Variants in EXOC6B observed in about 807,000 individuals in gnomAD.
EXOC6B encodes exocyst complex component 6B.
In EXOC6B, 54 loss-of-function variants were observed where a neutral mutation model predicts 113.5. That is an observed-to-expected ratio of 0.48 (90% CI 0.38 to 0.60). The LOEUF (loss-of-function observed/expected upper bound fraction) is 0.60, where lower values mean the gene tolerates loss of function less well. Among genes scored for constraint, EXOC6B ranks in the 20% least tolerant of loss-of-function variants. The pLI is 0.00. For missense variants in EXOC6B, 797 were observed against 977.5 expected (o/e 0.82, Z 2.46); for synonymous variants, 357 against 339.0 (o/e 1.05, Z -0.58).
rs147227454 is a variant in EXOC6B at position 72,280,928 on chromosome 2, T to C, written c.2196+54019A>G. On this transcript the variant is annotated intron_variant, in intron 20 of 21. Coordinates refer to ENST00000272427, the MANE Select transcript of EXOC6B (RefSeq NM_015189.3). Reference sequence around the variant, plus strand: ...AAAGGGAAGAACAGAAAACAGCCTATTGGCATAGGCCAATGCTAAGCTATA... The same window carrying C: ...AAAGGGAAGAACAGAAAACAGCCTACTGGCATAGGCCAATGCTAAGCTATA... Among the ~76,000 whole-genome samples the C allele has an allele frequency of 3.9e-4, 59 of 152,160 alleles. 4 individuals are homozygous for C. The East Asian group carries it at 0.011, about 29-fold the overall frequency.
At position 72,270,792 on chromosome 2, in the gene EXOC6B, A is replaced by C. The variant is rs555900474; in HGVS notation, c.2196+64155T>G. ...ATTAAATAATAATTTATTAATCTTC[A>C]AAAATTATGATGATCAGAAAATGAA... is the stretch of plus-strand genomic sequence containing the variant. On this transcript the variant is annotated intron_variant, in intron 20 of 21. Transcript: ENST00000272427. Among the ~76,000 whole-genome samples the C allele has an allele frequency of 7.9e-5, 12 of 152,250 alleles. No homozygotes were observed. The South Asian group carries it at 2.5e-3, about 32-fold the overall frequency.
At chr2:72,750,939 A>C (rs1039107337) in intron 1 of EXOC6B, among the ~76,000 whole-genome samples, 14 of 152,138 alleles carry the variant, frequency 9.2e-5, no homozygotes, top group African/African-American at 2.9e-4. Flanking sequence ...TAAAAACAAG[A>C]ATCAGAAGAA....
chr2:72,393,631 A>G (rs1268678542), intron 18 of EXOC6B, among the ~76,000 whole-genome samples: 2 of 152,216 alleles, frequency 1.3e-5, no homozygotes, highest in Non-Finnish European at 2.9e-5. Context: ...AATTTATATG[A>G]AACCAGAAGA....
chr2:72,367,102 T>G (rs1034876788), intron 19 of EXOC6B, among the ~76,000 whole-genome samples: 3 of 151,880 alleles, frequency 2.0e-5, no homozygotes, highest in African/African-American at 7.3e-5. Context: ...TATTGTGGGG[T>G]TTATAGACTA....
intron 6 of EXOC6B, among the ~76,000 whole-genome samples, chr2:72,689,137 A>G (rs543971978): frequency 6.6e-6 from 1 of 152,244 alleles, no homozygotes; most frequent in Non-Finnish European, 1.5e-5. Flanking sequence ...ATTTTAGCCC[A>G]GAGCAACTGA....
intron 20 of EXOC6B, among the ~76,000 whole-genome samples, chr2:72,280,228 C>T (rs1685052998): frequency 6.6e-6 from 1 of 151,690 alleles, no homozygotes. Flanking sequence ...TTTGAGAGTC[C>T]TATCATAGAT....
intron 6 of EXOC6B, among the ~76,000 whole-genome samples, chr2:72,618,286 T>C (rs1041913412): frequency 6.6e-6 from 1 of 152,078 alleles, no homozygotes; most frequent in African/African-American, 2.4e-5. Context: ...GGAGAATCGT[T>C]TGAACCCAGG....
chr2:72,751,549 T>C (rs1682044807), intron 1 of EXOC6B, among the ~76,000 whole-genome samples: 2 of 152,048 alleles, frequency 1.3e-5, no homozygotes, highest in South Asian at 2.1e-4. Flanking sequence ...GAAGGGTCCA[T>C]TGAGATGGTG....
chr2:72,761,882 G>A (rs1278822818), intron 1 of EXOC6B, among the ~76,000 whole-genome samples: 1 of 151,998 alleles, frequency 6.6e-6, no homozygotes, highest in Non-Finnish European at 1.5e-5. Flanking sequence ...GGAGGCTGAG[G>A]TCAAAGGTTC....
intron 6 of EXOC6B, among the ~76,000 whole-genome samples, chr2:72,615,588 TAAA>T (rs754361086): frequency 8.3e-6 from 1 of 120,866 alleles, no homozygotes. Context: ...ATGCTGATAT[TAAA>T]AAAAAAAAAA....
chr2:72,455,909 C>A (rs185811143), intron 18 of EXOC6B, among the ~76,000 whole-genome samples: 1 of 151,994 alleles, frequency 6.6e-6, no homozygotes, highest in East Asian at 1.9e-4. Flanking sequence ...AAGATAGTAG[C>A]TATTGTTAAA....
chr2:72,236,169 T>A (rs1573056358), intron 20 of EXOC6B, among the ~76,000 whole-genome samples: 1 of 152,204 alleles, frequency 6.6e-6, no homozygotes, highest in East Asian at 1.9e-4. Flanking sequence ...GCAGGCAGCC[T>A]CTTGGCAAAT....
At chr2:72,186,873 G>A (rs964660751) in intron 20 of EXOC6B, among the ~76,000 whole-genome samples, 4 of 152,158 alleles carry the variant, frequency 2.6e-5, no homozygotes, top group African/African-American at 4.8e-5. Context: ...TTGGGGTGTC[G>A]CTTTTCTGGC....
intron 18 of EXOC6B, among the ~76,000 whole-genome samples, chr2:72,390,908 C>T (rs1213258338): frequency 6.6e-6 from 1 of 152,196 alleles, no homozygotes; most frequent in African/African-American, 2.4e-5. Flanking sequence ...ACATTAATAG[C>T]TTAGTATTCA....
At chr2:72,361,453 T>A (rs143522662) in intron 19 of EXOC6B, among the ~76,000 whole-genome samples, 101 of 152,278 alleles carry the variant, frequency 6.6e-4, no homozygotes, top group African/African-American at 2.3e-3. Context: ...CACTATTCCC[T>A]TTTCCTCACA....
At chr2:72,355,116 G>T (rs919118044) in intron 19 of EXOC6B, among the ~76,000 whole-genome samples, 14 of 152,070 alleles carry the variant, frequency 9.2e-5, no homozygotes, top group Non-Finnish European at 1.6e-4. Context: ...TGAGTTTTCG[G>T]TATAATTTCT....
intron 6 of EXOC6B, among the ~76,000 whole-genome samples, chr2:72,629,629 C>T (rs1481231402): frequency 6.6e-6 from 1 of 152,184 alleles, no homozygotes; most frequent in African/African-American, 2.4e-5. Flanking sequence ...CTCACAGACT[C>T]ATCTATCATT....
intron 16 of EXOC6B, among the ~76,000 whole-genome samples, chr2:72,484,451 C>T (rs1343162369): frequency 6.6e-6 from 1 of 151,238 alleles, no homozygotes; most frequent in Admixed American, 6.6e-5. Context: ...CCTGTAGTCC[C>T]AGCTACTCGG....
At chr2:72,727,490 C>G (rs1480589355) in intron 5 of EXOC6B, among the ~76,000 whole-genome samples, 1 of 152,136 alleles carries the variant, frequency 6.6e-6, no homozygotes, top group Admixed American at 6.5e-5. Context: ...GTGATTTGAA[C>G]TGGATTCTTT....
Sources: gnomAD v4.1 joint callset for allele counts (sites outside exome capture counted in the v4.1 genomes callset) on GRCh38, gnomAD v4.1.1 for gene constraint, MANE v1.5 for transcripts, NCBI Gene and HGNC (gene_info 2026-07-23, HGNC 2026-07-21) for gene names.